Variants in KCNH1 observed in about 807,000 individuals in gnomAD.
KCNH1 encodes the protein voltage-gated delayed rectifier potassium channel KCNH1.
In KCNH1, 27 loss-of-function variants were observed where a neutral mutation model predicts 69.2. The observed-to-expected ratio is 0.39, with a 90% confidence interval of 0.29 to 0.54. The LOEUF is 0.54. KCNH1 is among the 20% of genes least tolerant of loss of function. The probability of loss-of-function intolerance (pLI) is 0.68; values close to 1 mark genes in which losing one functional copy is unlikely to be tolerated. For synonymous variants in KCNH1, 456 were observed against 487.7 expected, an observed-to-expected ratio of 0.93 and a Z score of 0.86; for missense variants, 798 against 1,261.6, an observed-to-expected ratio of 0.63 and a Z score of 5.57.
chr1:210,887,701 T>C (rs2102517308), intron 7 of KCNH1, among the ~76,000 whole-genome samples: 1 of 135,320 alleles, frequency 7.4e-6, no homozygotes, highest in East Asian at 2.1e-4. Flanking sequence ...TGGAGGAATA[T>C]TTAGCAAGAA....
At chr1:210,732,190 C>T (rs879384383) in intron 10 of KCNH1, among the ~76,000 whole-genome samples, 4 of 151,578 alleles carry the variant, frequency 2.6e-5, no homozygotes, top group Admixed American at 1.3e-4. Flanking sequence ...ACAGGAACTG[C>T]TCCCCAAATC....
intron 10 of KCNH1, among the ~76,000 whole-genome samples, chr1:210,725,206 C>G (rs1682558165): frequency 6.6e-6 from 1 of 152,120 alleles, no homozygotes. Context: ...GCCCATAGCC[C>G]GTAGCTGCAC....
intron 6 of KCNH1, among the ~76,000 whole-genome samples, chr1:210,962,903 G>C (rs1005906729): frequency 6.7e-6 from 1 of 149,390 alleles, no homozygotes; most frequent in Admixed American, 6.8e-5. Flanking sequence ...GTGTTTCTCT[G>C]GTTACATATG....
intron 7 of KCNH1, among the ~76,000 whole-genome samples, chr1:210,850,871 T>G (rs1427775447): frequency 6.6e-6 from 1 of 152,198 alleles, no homozygotes; most frequent in African/African-American, 2.4e-5. Flanking sequence ...GTTCCAGATG[T>G]CTCTTCTACC....
chr1:210,720,785 A>G (rs903272007), intron 10 of KCNH1, among the ~76,000 whole-genome samples: 3 of 152,172 alleles, frequency 2.0e-5, no homozygotes, highest in Non-Finnish European at 4.4e-5. Flanking sequence ...GTCTTTCATA[A>G]CCAGGGATAG....
chr1:211,076,777 G>A (rs1206080406), intron 5 of KCNH1, among the ~76,000 whole-genome samples: 2 of 152,218 alleles, frequency 1.3e-5, no homozygotes, highest in African/African-American at 2.4e-5. Flanking sequence ...GCTGACAGAA[G>A]TAGGCTTCAG....
intron 8 of KCNH1, among the ~76,000 whole-genome samples, chr1:210,802,948 A>C (rs891327185): frequency 1.3e-5 from 2 of 152,188 alleles, no homozygotes; most frequent in African/African-American, 2.4e-5. Context: ...CTCCTTAAAA[A>C]AAAATGCTCC....
At chr1:211,078,992 C>CA (rs974107311) in intron 5 of KCNH1, among the ~76,000 whole-genome samples, 8 of 145,560 alleles carry the variant, frequency 5.5e-5, no homozygotes, top group South Asian at 4.4e-4. Flanking sequence ...GATAGAGACA[C>CA]AAAAAAAACC....
chr1:210,856,133 C>A (rs1312237072), intron 7 of KCNH1, among the ~76,000 whole-genome samples: 1 of 152,168 alleles, frequency 6.6e-6, no homozygotes, highest in Non-Finnish European at 1.5e-5. Context: ...CTTTTGGCAG[C>A]TGCCATCTAA....
chr1:211,102,426 CT>C (rs1297162384), intron 3 of KCNH1, among the ~76,000 whole-genome samples: 1 of 152,156 alleles, frequency 6.6e-6, no homozygotes, highest in Non-Finnish European at 1.5e-5. Flanking sequence ...CGTTCCTCTC[CT>C]AGCTAATAGT....
At chr1:210,709,670 G>A (rs889799630) in intron 10 of KCNH1, among the ~76,000 whole-genome samples, 11 of 147,078 alleles carry the variant, frequency 7.5e-5, no homozygotes, top group South Asian at 2.2e-4. Context: ...ACAGATAGAC[G>A]GAAAGAAAGA....
At chr1:210,883,283 GA>G (rs1481493337) in intron 7 of KCNH1, among the ~76,000 whole-genome samples, 1 of 152,224 alleles carries the variant, frequency 6.6e-6, no homozygotes, top group Non-Finnish European at 1.5e-5. Context: ...TTCTGATAGA[GA>G]AAAGCTCTTC....
At chr1:210,781,821 G>A (rs17016888) in intron 9 of KCNH1, among the ~76,000 whole-genome samples, 2,309 of 152,300 alleles carry the variant, frequency 0.015, 41 homozygotes, top group African/African-American at 0.053. Flanking sequence ...TATTCTTTCA[G>A]TATGAGTTTC....
At chr1:211,007,618 A>C (rs919942320) in intron 6 of KCNH1, among the ~76,000 whole-genome samples, 14 of 152,052 alleles carry the variant, frequency 9.2e-5, no homozygotes, top group African/African-American at 3.4e-4. Flanking sequence ...TCTCCTAATC[A>C]AATTGTGCTC....
At chr1:211,127,135 G>A (rs1379580510) in intron 1 of KCNH1, among the ~76,000 whole-genome samples, 1 of 152,094 alleles carries the variant, frequency 6.6e-6, no homozygotes, top group East Asian at 1.9e-4. Context: ...ACTCATTTTG[G>A]TATTCCTACT....
At chr1:211,073,236 T>C (rs1364618906) in intron 5 of KCNH1, among the ~76,000 whole-genome samples, 1 of 152,140 alleles carries the variant, frequency 6.6e-6, no homozygotes, top group African/African-American at 2.4e-5. Flanking sequence ...AAAAAATTGA[T>C]ACAACTGCAA....
At chr1:210,958,588 C>T (rs1227947467) in intron 6 of KCNH1, among the ~76,000 whole-genome samples, 3 of 152,206 alleles carry the variant, frequency 2.0e-5, no homozygotes, top group Non-Finnish European at 2.9e-5. Context: ...TCCCAAATTT[C>T]TTGGAGGCTT....
intron 10 of KCNH1, among the ~76,000 whole-genome samples, chr1:210,695,941 G>A (rs1681629900): frequency 1.3e-5 from 2 of 152,212 alleles, no homozygotes; most frequent in South Asian, 2.1e-4. Flanking sequence ...ACTGACAGGC[G>A]GGAGGAGGAG....
intron 5 of KCNH1, among the ~76,000 whole-genome samples, chr1:211,026,659 A>T (rs961790783): frequency 6.6e-6 from 1 of 152,152 alleles, no homozygotes; most frequent in Admixed American, 6.5e-5. Context: ...CCCAGTAAGG[A>T]GCATGGACTT....
Sources: gnomAD v4.1 joint callset for allele counts (sites outside exome capture counted in the v4.1 genomes callset) on GRCh38, gnomAD v4.1.1 for gene constraint, MANE v1.5 for transcripts, NCBI Gene and HGNC (gene_info 2026-07-23, HGNC 2026-07-21) for gene names.